The following KLHL3 variants were observed in gnomAD, a reference collection of about 807,000 sequenced individuals.
KLHL3 encodes the protein kelch like family member 3, also known as kelch-like protein 3.
In KLHL3, 19 loss-of-function variants were observed where a neutral mutation model predicts 70.5. That is an observed-to-expected ratio of 0.27 (90% CI 0.19 to 0.40). The LOEUF (loss-of-function observed/expected upper bound fraction) is 0.40, where lower values mean the gene tolerates loss of function less well. Among genes scored for constraint, KLHL3 ranks in the 10% least tolerant of loss-of-function variants. The pLI, the probability that KLHL3 is intolerant of heterozygous loss-of-function variation, is 1.00. For missense variants in KLHL3, 512 were observed against 771.1 expected (o/e 0.66, Z 3.98); for synonymous variants, 258 against 290.3 (o/e 0.89, Z 1.13).
At chr5:137,643,187 C>CA (rs1376507625) in intron 8 of KLHL3, among the ~76,000 whole-genome samples, 1 of 151,626 alleles carries the variant, frequency 6.6e-6, no homozygotes, top group Admixed American at 6.6e-5. Flanking sequence ...CCCGTCTCTA[C>CA]AAAAAATACA....
chr5:137,683,082 AC>A (rs1308382273), intron 5 of KLHL3, among the ~76,000 whole-genome samples: 19 of 151,968 alleles, frequency 1.3e-4, no homozygotes, highest in Middle Eastern at 3.2e-3. Context: ...ACCCAACTGT[AC>A]CCCCAGAGAA....
chr5:137,647,778 C>A, intron 8 of KLHL3: 1 of 359,498 alleles, frequency 2.8e-6, no homozygotes, highest in Admixed American at 3.7e-5. Context: ...GTCTGAGAAC[C>A]AGGTAATATG....
intron 6 of KLHL3, among the ~76,000 whole-genome samples, chr5:137,665,370 A>C (rs545635938): frequency 7.9e-5 from 12 of 152,318 alleles, no homozygotes; most frequent in Middle Eastern, 3.4e-3. Flanking sequence ...TTGGTATGAT[A>C]ATTGGTTTTA....
intron 8 of KLHL3, among the ~76,000 whole-genome samples, chr5:137,650,761 G>T (rs536834778): frequency 6.6e-6 from 1 of 151,620 alleles, no homozygotes; most frequent in East Asian, 1.9e-4. Flanking sequence ...ATCAGAGGTT[G>T]CAGTGAGCCA....
At chr5:137,685,389 A>G (rs2905593) in intron 5 of KLHL3, among the ~76,000 whole-genome samples, 118,866 of 152,154 alleles carry the variant, frequency 0.78, 46,663 homozygotes, top group East Asian at 0.98. Context: ...GGGTGTGGAA[A>G]TAATTGCAAG....
At chr5:137,622,878 C>T (rs1750352505) in intron 14 of KLHL3, among the ~76,000 whole-genome samples, 1 of 152,368 alleles carries the variant, frequency 6.6e-6, no homozygotes, top group Middle Eastern at 3.4e-3. Flanking sequence ...TTGCTATCCT[C>T]GACTACAGCC....
chr5:137,698,166 G>A, intron 4 of KLHL3, 121 bp downstream of exon 4: 1 of 1,350,864 alleles, frequency 7.4e-7, no homozygotes, highest in Non-Finnish European at 1.0e-6. Flanking sequence ...TGACCTCTCT[G>A]GAGCTTTAGT....
chr5:137,680,022 T>C (rs947666545), intron 5 of KLHL3, among the ~76,000 whole-genome samples: 1 of 152,194 alleles, frequency 6.6e-6, no homozygotes, highest in African/African-American at 2.4e-5. Flanking sequence ...CCCTCTCTGT[T>C]ACCAACACTC....
intron 11 of KLHL3, 32 bp from the exon 12 acceptor site, chr5:137,634,197 C>T: frequency 6.4e-7 from 1 of 1,573,816 alleles, no homozygotes; most frequent in Non-Finnish European, 8.6e-7. Flanking sequence ...AGTGTGGTGC[C>T]AGGGATACTG....
At chr5:137,728,221 G>A (rs1753115251) in intron 1 of KLHL3, among the ~76,000 whole-genome samples, 1 of 152,236 alleles carries the variant, frequency 6.6e-6, no homozygotes, top group Non-Finnish European at 1.5e-5. Context: ...AAGTGGGTGA[G>A]TGCTGACTCC....
chr5:137,625,639 C>T, intron 14 of KLHL3, 114 bp downstream of exon 14: 3 of 1,231,320 alleles, frequency 2.4e-6, no homozygotes, highest in South Asian at 1.4e-5. Flanking sequence ...GGAGGAGGCA[C>T]TCAGGCCCAA....
At position 137,735,677 on chromosome 5, in the gene KLHL3, T is replaced by C; in HGVS notation, c.-31A>G. ...GAGGCCCAGCCAGGGTGGTAGCTGC[T>C]GAACTGTGTATGCACTCGGGGATCC... On this transcript the variant is annotated 5_prime_UTR_variant, in exon 1 of 15. Transcript: ENST00000309755. 2 of 1,614,174 alleles carry C rather than the reference T, an allele frequency of 1.2e-6. No individual in the cohort carries two copies. Among genetic ancestry groups the C allele is most frequent in the African/African-American group, 1.3e-5 (1 of 75,058 alleles).
In KLHL3 at chr5:137,661,809, A is replaced by C. The variant is rs1751481469; in HGVS notation, c.753+106T>G. ...GGGCTGGTTCCCTCAGCACATACAG[A>C]AGACCCACTAAACCCTCAACTACTC... On this transcript the variant is annotated intron_variant, in intron 7 of 14. Coordinates refer to ENST00000309755, the MANE Select transcript of KLHL3 (RefSeq NM_017415.3). 5.8e-6 allele frequency: 4 copies of C among 690,146 alleles called. No individual in the cohort carries two copies. In the Admixed American group the frequency reaches 8.9e-5, roughly 15 times the overall value. The allele number at this position is 690,146 out of a possible 1,614,324, so 42.8% of individuals were successfully genotyped here.
At chr5:137,633,386 C>T (rs1395843275) in intron 12 of KLHL3, among the ~76,000 whole-genome samples, 1 of 151,140 alleles carries the variant, frequency 6.6e-6, no homozygotes. Context: ...TTAATACAAC[C>T]TCTATGGAAA....
chr5:137,726,423 C>T (rs1561621715), intron 1 of KLHL3, among the ~76,000 whole-genome samples: 1 of 152,158 alleles, frequency 6.6e-6, no homozygotes, highest in Non-Finnish European at 1.5e-5. Flanking sequence ...CCGTTCACTG[C>T]AGACACCTAT....
At position 137,709,760 on chromosome 5, in the gene KLHL3, C is replaced by A. The variant is rs926657279; in HGVS notation, c.231G>T (p.Ala77=). Residue 77 remains alanine (A), a synonymous_variant, in exon 3 of 15, where the codon GCG becomes GCT. Transcript: ENST00000309755. ...VLAACSPYFC[A]MFTGDMSESK... is the part of the protein sequence containing the mutation. Reference sequence around the variant, plus strand: ...GGCCACTCACCATACCTGTGAACATCGCACAGAAGTAGGGGCTGCAGGCTG... The same window carrying A: ...GGCCACTCACCATACCTGTGAACATAGCACAGAAGTAGGGGCTGCAGGCTG... The A allele has an allele frequency of 1.2e-6, 2 of 1,613,352 alleles. No homozygotes were observed. The highest frequency in any genetic ancestry group is 1.1e-5 in the South Asian group (1 of 91,072).
chr5:137,622,255 T>C, intron 14 of KLHL3, 129 bp from the exon 15 acceptor site: 1 of 1,108,696 alleles, frequency 9.0e-7, no homozygotes. Context: ...TATCCTAATA[T>C]TGAAGTGGAC....
At chr5:137,623,910 T>C (rs963588345) in intron 14 of KLHL3, among the ~76,000 whole-genome samples, 1 of 152,162 alleles carries the variant, frequency 6.6e-6, no homozygotes, top group Non-Finnish European at 1.5e-5. Context: ...CCAATATCCA[T>C]CTGTAGAAGA....
chr5:137,637,852 G>A (rs1390216491), intron 10 of KLHL3, among the ~76,000 whole-genome samples: 1 of 152,176 alleles, frequency 6.6e-6, no homozygotes, highest in Non-Finnish European at 1.5e-5. Context: ...AGTCTACGGG[G>A]ATTTCAGAAA....
Sources: allele counts gnomAD v4.1 joint callset (sites outside exome capture counted in the v4.1 genomes callset), GRCh38; gene constraint gnomAD v4.1.1; transcripts MANE v1.5; gene names NCBI Gene and HGNC (gene_info 2026-07-23, HGNC 2026-07-21).